SCRG1: variants seen among roughly 807,000 people sequenced by gnomAD.
SCRG1 encodes the protein scrapie-responsive protein 1.
Under a neutral mutation model 7.7 loss-of-function variants are expected in SCRG1, and 3 were observed. The ratio of observed to expected loss-of-function variants is 0.39; its 90% CI spans 0.18 to 1.01. The LOEUF is 1.01. Among genes scored for constraint, SCRG1 ranks in the 50% least tolerant of loss-of-function variants. The probability of loss-of-function intolerance (pLI) is 0.36; values close to 1 mark genes in which losing one functional copy is unlikely to be tolerated. For synonymous variants in SCRG1, 46 were observed against 41.2 expected (o/e 1.12, Z -0.44); for missense variants, 110 against 117.2 (o/e 0.94, Z 0.28).
the SCRG1 span, among the ~76,000 whole-genome samples, chr4:173,413,165 C>T: frequency 1.3e-5 from 2 of 151,856 alleles, no homozygotes; most frequent in African/African-American, 2.4e-5. Context: ...ATAAGGAAAC[C>T]ACTTTTAGTT....
chr4:173,424,316 G>A, the SCRG1 span, among the ~76,000 whole-genome samples: 1 of 152,162 alleles, frequency 6.6e-6, no homozygotes, highest in Non-Finnish European at 1.5e-5. Flanking sequence ...AATAGAAATT[G>A]TATTTATTCT....
upstream of SCRG1, among the ~76,000 whole-genome samples, chr4:173,407,968 A>G (rs1195909650): frequency 1.3e-5 from 2 of 152,206 alleles, no homozygotes; most frequent in Non-Finnish European, 2.9e-5. Flanking sequence ...TAAAAATTAC[A>G]TATTTGGAAA....
the SCRG1 span, among the ~76,000 whole-genome samples, chr4:173,424,488 C>T: frequency 6.6e-6 from 1 of 152,084 alleles, no homozygotes; most frequent in Non-Finnish European, 1.5e-5. Flanking sequence ...TGATATAAAC[C>T]TTGGATACAT....
chr4:173,428,672 GAATTTAGGCTAGATCCA>G, the SCRG1 span, among the ~76,000 whole-genome samples: 1 of 152,318 alleles, frequency 6.6e-6, no homozygotes, highest in Non-Finnish European at 1.5e-5. Flanking sequence ...GCAGAAGGAA[GAATTTAGGCTAGATCCA>G]AATGCTCTCT....
the SCRG1 span, among the ~76,000 whole-genome samples, chr4:173,434,628 C>T: frequency 4.0e-4 from 61 of 152,230 alleles, no homozygotes; most frequent in African/African-American, 1.4e-3. Flanking sequence ...GTCAGGAGTT[C>T]GATACCATCC....
the SCRG1 span, among the ~76,000 whole-genome samples, chr4:173,475,526 G>C: frequency 6.6e-6 from 1 of 152,180 alleles, no homozygotes; most frequent in Admixed American, 6.5e-5. Context: ...CTGTGAAAAA[G>C]AGTTTAGCAA....
chr4:173,498,607 T>C, the SCRG1 span, among the ~76,000 whole-genome samples: 1 of 152,200 alleles, frequency 6.6e-6, no homozygotes, highest in Non-Finnish European at 1.5e-5. Flanking sequence ...TGCTTCCATA[T>C]GGTCTGGGTA....
the SCRG1 span, among the ~76,000 whole-genome samples, chr4:173,432,785 A>G: frequency 6.6e-6 from 1 of 152,094 alleles, no homozygotes; most frequent in Non-Finnish European, 1.5e-5. Context: ...CTGCAGGATA[A>G]TTTTCAAGCT....
the SCRG1 span, among the ~76,000 whole-genome samples, chr4:173,454,175 C>T: frequency 2.0e-5 from 3 of 151,440 alleles, no homozygotes; most frequent in African/African-American, 4.9e-5. Context: ...AGGTGGAGAT[C>T]GCTTTTACTT....
chr4:173,481,287 T>C, the SCRG1 span, among the ~76,000 whole-genome samples: 2 of 152,152 alleles, frequency 1.3e-5, no homozygotes, highest in African/African-American at 4.8e-5. Context: ...TTCATATCAG[T>C]GAATGGTTTA....
the SCRG1 span, among the ~76,000 whole-genome samples, chr4:173,449,996 T>C: frequency 6.6e-6 from 1 of 152,196 alleles, no homozygotes; most frequent in Non-Finnish European, 1.5e-5. Context: ...CAGGCTGGTA[T>C]TAGACTGTTT....
the SCRG1 span, among the ~76,000 whole-genome samples, chr4:173,489,178 A>C: frequency 6.6e-6 from 1 of 152,214 alleles, no homozygotes; most frequent in Non-Finnish European, 1.5e-5. Context: ...TTCATGCATA[A>C]GTGTTTACAG....
At chr4:173,390,257 T>C (rs1359518078) in intron 2 of SCRG1, among the ~76,000 whole-genome samples, 1 of 152,130 alleles carries the variant, frequency 6.6e-6, no homozygotes, top group Non-Finnish European at 1.5e-5. Context: ...CGTATACTTG[T>C]ATTTTAAGTA....
the SCRG1 span, among the ~76,000 whole-genome samples, chr4:173,500,958 C>T: frequency 6.6e-6 from 1 of 152,372 alleles, no homozygotes; most frequent in Middle Eastern, 3.4e-3. Flanking sequence ...GAACTGCGCT[C>T]TCCTTCCGGG....
chr4:173,512,573 C>A, the SCRG1 span, among the ~76,000 whole-genome samples: 1 of 152,220 alleles, frequency 6.6e-6, no homozygotes, highest in African/African-American at 2.4e-5. Flanking sequence ...AGGGAAGGAG[C>A]AGCTGAGGGG....
chr4:173,419,506 T>C, the SCRG1 span: 1 of 753,324 alleles, frequency 1.3e-6, no homozygotes. Context: ...CTTCTTCTAT[T>C]AAGTAGCGCA....
the SCRG1 span, among the ~76,000 whole-genome samples, chr4:173,483,148 A>G: frequency 9.7e-6 from 1 of 103,526 alleles, no homozygotes; most frequent in African/African-American, 4.0e-5. Context: ...TATGAAATAT[A>G]CATATGAAAT....
At chr4:173,494,223 A>T in the SCRG1 span, among the ~76,000 whole-genome samples, 1 of 152,184 alleles carries the variant, frequency 6.6e-6, no homozygotes, top group African/African-American at 2.4e-5. Flanking sequence ...CGTCTGCAAC[A>T]GTCAGATTCA....
the SCRG1 span, among the ~76,000 whole-genome samples, chr4:173,500,526 CTG>C: frequency 6.6e-6 from 1 of 151,854 alleles, no homozygotes; most frequent in South Asian, 2.1e-4. Context: ...GTTGCTGAAG[CTG>C]GAGTGCAGTG....
Sources: allele counts gnomAD v4.1 joint callset (sites outside exome capture counted in the v4.1 genomes callset), GRCh38; gene constraint gnomAD v4.1.1; transcripts MANE v1.5; gene names NCBI Gene and HGNC (gene_info 2026-07-23, HGNC 2026-07-21).